The following SEPTIN11 variants were observed in gnomAD, a reference collection of about 807,000 sequenced individuals.
SEPTIN11 encodes septin 11, also known as septin-11.
A neutral mutation model predicts 51.4 loss-of-function variants in SEPTIN11; 25 were observed. That is an observed-to-expected ratio of 0.49 (90% CI 0.35 to 0.68). The LOEUF is 0.68. Among genes scored for constraint, SEPTIN11 ranks in the 30% least tolerant of loss-of-function variants. The probability of loss-of-function intolerance (pLI) is 0.00; values close to 1 mark genes in which losing one functional copy is unlikely to be tolerated. For synonymous variants in SEPTIN11, 174 were observed against 184.1 expected, an observed-to-expected ratio of 0.95 and a Z score of 0.44; for missense variants, 381 against 520.8, an observed-to-expected ratio of 0.73 and a Z score of 2.61.
chr4:77,033,187 C>G (rs143905405), intron 9 of SEPTIN11, among the ~76,000 whole-genome samples: 1 of 152,036 alleles, frequency 6.6e-6, no homozygotes, highest in African/African-American at 2.4e-5. Context: ...CTCTTACTGC[C>G]AGTGGTAGTG....
intron 5 of SEPTIN11, among the ~76,000 whole-genome samples, chr4:77,018,100 A>G (rs1040376286): frequency 2.0e-5 from 3 of 152,252 alleles, no homozygotes; most frequent in African/African-American, 4.8e-5. Flanking sequence ...ACTTAACCCA[A>G]TATGTTGCAA....
intron 6 of SEPTIN11, 128 bp downstream of exon 6, chr4:77,019,389 G>A: frequency 1.5e-6 from 1 of 654,142 alleles, no homozygotes; most frequent in Non-Finnish European, 2.5e-6. Context: ...GAGTGGTGGG[G>A]CTCCACATGT....
chr4:76,971,606 T>G (rs1467662902), intron 1 of SEPTIN11, among the ~76,000 whole-genome samples: 1 of 152,172 alleles, frequency 6.6e-6, no homozygotes, highest in Non-Finnish European at 1.5e-5. Context: ...GATTTAAGAT[T>G]TAAATCTTTC....
intron 1 of SEPTIN11, among the ~76,000 whole-genome samples, chr4:76,995,110 G>A (rs1227583898): frequency 6.6e-6 from 1 of 150,830 alleles, no homozygotes; most frequent in African/African-American, 2.4e-5. Flanking sequence ...ATGGCTGGGT[G>A]TGGTGGCTCA....
chr4:77,000,738 T>A (rs1724059043), intron 2 of SEPTIN11, among the ~76,000 whole-genome samples: 1 of 152,224 alleles, frequency 6.6e-6, no homozygotes, highest in Non-Finnish European at 1.5e-5. Flanking sequence ...TCTGGGTTCC[T>A]GGGCATCCTC....
At chr4:77,019,143 T>C (rs755756377) in intron 5 of SEPTIN11, 22 bp from the exon 6 acceptor site, 8 of 1,604,996 alleles carry the variant, frequency 5.0e-6, no homozygotes, top group Middle Eastern at 1.6e-4. Context: ...AAGTAACTAT[T>C]CTCTGTCCTT....
intron 1 of SEPTIN11, among the ~76,000 whole-genome samples, chr4:76,970,316 T>C (rs975058471): frequency 6.6e-6 from 1 of 152,250 alleles, no homozygotes; most frequent in East Asian, 1.9e-4. Flanking sequence ...GCCTTATTAA[T>C]TTTTGTATCT....
At chr4:76,969,120 C>CT (rs1197996984) in intron 1 of SEPTIN11, among the ~76,000 whole-genome samples, 2 of 152,194 alleles carry the variant, frequency 1.3e-5, no homozygotes, top group African/African-American at 2.4e-5. Context: ...GGATTTGTCT[C>CT]TAATTTTTCA....
intron 1 of SEPTIN11, among the ~76,000 whole-genome samples, chr4:76,953,477 A>T (rs949476847): frequency 2.6e-5 from 4 of 152,152 alleles, no homozygotes; most frequent in African/African-American, 9.7e-5. Context: ...GAAGTGGAGG[A>T]GTACTGCCAA....
intron 8 of SEPTIN11, 105 bp downstream of exon 8, chr4:77,028,866 C>A: frequency 8.0e-7 from 1 of 1,251,160 alleles, no homozygotes; most frequent in South Asian, 2.0e-5. Context: ...TTTCTACATG[C>A]ATTTTGTCAC....
At chr4:77,022,985 C>T (rs1279296700) in intron 7 of SEPTIN11, among the ~76,000 whole-genome samples, 2 of 152,126 alleles carry the variant, frequency 1.3e-5, no homozygotes, top group East Asian at 3.9e-4. Context: ...GCTAAGTTGT[C>T]TGTGTGGCCA....
At chr4:76,988,448 C>G (rs1487437144) in intron 1 of SEPTIN11, among the ~76,000 whole-genome samples, 1 of 152,184 alleles carries the variant, frequency 6.6e-6, no homozygotes, top group Non-Finnish European at 1.5e-5. Context: ...TAAAGATTTG[C>G]TTTTCTTTTT....
intron 2 of SEPTIN11, among the ~76,000 whole-genome samples, chr4:76,997,446 G>C (rs180815582): frequency 2.0e-5 from 3 of 152,272 alleles, no homozygotes; most frequent in Admixed American, 2.0e-4. Context: ...GTCAGTTATG[G>C]AAGTTGGGGG....
intron 1 of SEPTIN11, chr4:76,974,760 A>G (rs1353472515): frequency 2.2e-6 from 1 of 456,704 alleles, no homozygotes; most frequent in East Asian, 7.0e-5. Context: ...CTGCAGATGG[A>G]ATGAATCAAG....
At chr4:77,018,327 T>G (rs374578808) in intron 5 of SEPTIN11, among the ~76,000 whole-genome samples, 1 of 151,894 alleles carries the variant, frequency 6.6e-6, no homozygotes, top group African/African-American at 2.4e-5. Flanking sequence ...CCGGTGCCTG[T>G]AGTCCCAGCT....
intron 9 of SEPTIN11, chr4:77,031,811 T>A (rs997336271): frequency 6.6e-6 from 1 of 152,200 alleles, no homozygotes; most frequent in Non-Finnish European, 1.5e-5. Context: ...ATGACAAATA[T>A]GCAGATGCCA....
chr4:76,969,664 G>A (rs1217811528), intron 1 of SEPTIN11, among the ~76,000 whole-genome samples: 1 of 152,130 alleles, frequency 6.6e-6, no homozygotes, highest in African/African-American at 2.4e-5. Context: ...AAACTCTACC[G>A]ACTTCATGGT....
intron 9 of SEPTIN11, among the ~76,000 whole-genome samples, chr4:77,033,712 G>A (rs1726840612): frequency 6.6e-6 from 1 of 152,146 alleles, no homozygotes; most frequent in Non-Finnish European, 1.5e-5. Flanking sequence ...TTGCCAGCAG[G>A]CATTTGCTGG....
chr4:77,029,997 G>A (rs186859719), intron 8 of SEPTIN11, among the ~76,000 whole-genome samples: 24 of 152,208 alleles, frequency 1.6e-4, no homozygotes, highest in East Asian at 3.9e-4. Context: ...AGTGGTTCAC[G>A]CCTGTAATCC....
Sources: gnomAD v4.1 joint callset for allele counts (sites outside exome capture counted in the v4.1 genomes callset) on GRCh38, gnomAD v4.1.1 for gene constraint, MANE v1.5 for transcripts, NCBI Gene and HGNC (gene_info 2026-07-23, HGNC 2026-07-21) for gene names.